TXLNB: variants seen among roughly 807,000 people sequenced by gnomAD.
The protein encoded by TXLNB is taxilin beta, also known as beta-taxilin.
TXLNB carries 37 observed loss-of-function variants against 57.4 expected under a neutral mutation model. The observed-to-expected ratio is 0.64, with a 90% CI of 0.50 to 0.85. The LOEUF is 0.85. Ranked by LOEUF, TXLNB falls within the 40% of genes least tolerant of loss-of-function variation. The pLI is 0.00. For synonymous variants in TXLNB, 302 were observed against 309.6 expected, an observed-to-expected ratio of 0.98 and a Z score of 0.26; for missense variants, 848 against 825.6, an observed-to-expected ratio of 1.03 and a Z score of -0.33.
chr6:139,312,508 T>G, the TXLNB span, among the ~76,000 whole-genome samples: 2 of 152,210 alleles, frequency 1.3e-5, no homozygotes, highest in African/African-American at 4.8e-5. Context: ...CCTTTCCATT[T>G]GGGTACCTTG....
chr6:139,258,251 C>T (rs944962731), intron 6 of TXLNB, among the ~76,000 whole-genome samples: 8 of 152,208 alleles, frequency 5.3e-5, no homozygotes, highest in Admixed American at 6.5e-5. Flanking sequence ...GTGCTAGTTT[C>T]TTGCTAAGGC....
At position 139,256,207 on chromosome 6, in the gene TXLNB, A is replaced by T. The variant is rs139512868; in HGVS notation, c.1003-569T>A. ...CTCAAGTATGAATCACAAAAAATTC[A>T]ACTTCCCACCACATTCTGGAACCTT... On this transcript the variant is annotated intron_variant, in intron 6 of 9. Transcript: ENST00000358430. Among the ~76,000 whole-genome samples, 145 of 152,352 alleles carry T rather than the reference A, an allele frequency of 9.5e-4. 2 individuals are homozygous for T. In the East Asian group the frequency reaches 0.026, roughly 28 times the overall value.
the TXLNB span, among the ~76,000 whole-genome samples, chr6:139,210,105 A>G: frequency 6.6e-6 from 1 of 152,322 alleles, no homozygotes; most frequent in Non-Finnish European, 1.5e-5. Context: ...AACATATGAA[A>G]AAATGCTCAA....
At chr6:139,223,158 G>T in the TXLNB span, among the ~76,000 whole-genome samples, 88 of 152,210 alleles carry the variant, frequency 5.8e-4, no homozygotes, top group African/African-American at 2.1e-3. Context: ...TTAATTAAAA[G>T]ATAAAAGTAG....
intron 5 of TXLNB, among the ~76,000 whole-genome samples, chr6:139,261,117 T>A (rs1382158172): frequency 2.0e-5 from 3 of 152,168 alleles, no homozygotes; most frequent in African/African-American, 7.2e-5. Context: ...TCAGGATGGA[T>A]AAATTCCTGG....
chr6:139,163,260 C>A, the TXLNB span, among the ~76,000 whole-genome samples: 1 of 152,138 alleles, frequency 6.6e-6, no homozygotes, highest in African/African-American at 2.4e-5. Context: ...GGATGGCTCC[C>A]ACAACAGAGA....
intron 7 of TXLNB, 200 bp downstream of exon 7, chr6:139,255,364 A>C (rs1776309084): frequency 3.1e-6 from 2 of 636,258 alleles, no homozygotes; most frequent in Non-Finnish European, 6.0e-6. Flanking sequence ...GGCGCAGAAC[A>C]TTTCTTTTTC....
the TXLNB span, among the ~76,000 whole-genome samples, chr6:139,299,260 A>T: frequency 1.3e-5 from 2 of 152,230 alleles, no homozygotes. Flanking sequence ...CAACCCTGGG[A>T]ACAAAAGTTG....
chr6:139,239,843 CTCTCTCTG>C (rs1775885953), downstream of TXLNB, among the ~76,000 whole-genome samples: 1 of 148,640 alleles, frequency 6.7e-6, no homozygotes, highest in African/African-American at 2.6e-5. The surrounding 1 kb of genome is among the most constrained non-coding windows in gnomAD (Gnocchi z 4.7). Flanking sequence ...CCCTCCCTTT[CTCTCTCTG>C]TCTCTCTCTG....
At chr6:139,263,818 G>C (rs186694839) in intron 4 of TXLNB, among the ~76,000 whole-genome samples, 4 of 152,090 alleles carry the variant, frequency 2.6e-5, no homozygotes, top group Non-Finnish European at 5.9e-5. Context: ...AGCTTGCTTC[G>C]TTGTTGGCAA....
At chr6:139,268,113 G>A (rs1403749207) in intron 4 of TXLNB, among the ~76,000 whole-genome samples, 3 of 134,594 alleles carry the variant, frequency 2.2e-5, no homozygotes, top group African/African-American at 8.8e-5. Flanking sequence ...TTGCACCACC[G>A]CACTCCAGCC....
At chr6:139,162,147 C>T in the TXLNB span, among the ~76,000 whole-genome samples, 1 of 152,226 alleles carries the variant, frequency 6.6e-6, no homozygotes, top group Non-Finnish European at 1.5e-5. Flanking sequence ...CCTGAGTCGT[C>T]AGCTGGTGGG....
At chr6:139,196,187 T>A in the TXLNB span, among the ~76,000 whole-genome samples, 1 of 152,098 alleles carries the variant, frequency 6.6e-6, no homozygotes, top group Non-Finnish European at 1.5e-5. Flanking sequence ...ATATAATAAA[T>A]CTTCCATGGA....
At chr6:139,289,426 G>C (rs957521617) in intron 1 of TXLNB, among the ~76,000 whole-genome samples, 1 of 152,158 alleles carries the variant, frequency 6.6e-6, no homozygotes, top group South Asian at 2.1e-4. Flanking sequence ...CAGGGAGCTC[G>C]GCTCTTGAGA....
At chr6:139,283,406 G>C (rs1273144510) in intron 2 of TXLNB, among the ~76,000 whole-genome samples, 3 of 144,122 alleles carry the variant, frequency 2.1e-5, no homozygotes, top group Non-Finnish European at 4.6e-5. Context: ...GAGAAATCCT[G>C]TCTCTACTAA....
At chr6:139,314,658 C>T in the TXLNB span, among the ~76,000 whole-genome samples, 1 of 151,682 alleles carries the variant, frequency 6.6e-6, no homozygotes. Context: ...AAATATTTCA[C>T]AGAGTTGCCT....
At chr6:139,316,851 A>G in the TXLNB span, among the ~76,000 whole-genome samples, 1 of 152,192 alleles carries the variant, frequency 6.6e-6, no homozygotes, top group African/African-American at 2.4e-5. Flanking sequence ...CCCAGGTGAG[A>G]GGAAAAGCAG....
At chr6:139,272,785 G>A (rs1198785014) in intron 3 of TXLNB, among the ~76,000 whole-genome samples, 1 of 152,218 alleles carries the variant, frequency 6.6e-6, no homozygotes, top group East Asian at 1.9e-4. Flanking sequence ...TGTAATCCCA[G>A]CACTCTGGGA....
At chr6:139,295,661 G>A (rs1777376918), upstream of TXLNB, among the ~76,000 whole-genome samples, 1 of 151,718 alleles carries the variant, frequency 6.6e-6, no homozygotes, top group Non-Finnish European at 1.5e-5. Flanking sequence ...ATTATTTATT[G>A]TCTTCTCATA....
Sources: allele counts gnomAD v4.1 joint callset (sites outside exome capture counted in the v4.1 genomes callset), GRCh38; gene constraint gnomAD v4.1.1; non-coding constraint Gnocchi (gnomAD v3.1); transcripts MANE v1.5; gene names NCBI Gene and HGNC (gene_info 2026-07-23, HGNC 2026-07-21).